Variants in AK3 observed in about 807,000 individuals in gnomAD.
AK3 encodes adenylate kinase 3.
A neutral mutation model predicts 23.7 loss-of-function variants in AK3; 27 were observed. The observed-to-expected ratio is 1.14, with a 90% CI of 0.84 to 1.57. AK3 has a LOEUF of 1.57. Ranked by LOEUF, AK3 falls within the 40% of genes most tolerant of loss-of-function variation. The probability of loss-of-function intolerance (pLI) is 0.00; values close to 1 mark genes in which losing one functional copy is unlikely to be tolerated. For missense variants in AK3, 406 were observed against 285.6 expected, an observed-to-expected ratio of 1.42 and a Z score of -3.04; for synonymous variants, 159 against 116.0, an observed-to-expected ratio of 1.37 and a Z score of -2.38.
chr9:4,741,211 C>G (rs1170685202), upstream of AK3: 2 of 1,127,166 alleles, frequency 1.8e-6, no homozygotes, highest in Non-Finnish European at 2.3e-6. Context: ...CTGCGGTTCC[C>G]CGGCGTTCCC....
chr9:4,731,137 A>G (rs536633898), intron 1 of AK3, among the ~76,000 whole-genome samples: 12 of 152,176 alleles, frequency 7.9e-5, no homozygotes, highest in Non-Finnish European at 1.5e-4. Flanking sequence ...TTCTATTATA[A>G]TTTCAGGGAT....
chr9:4,717,157 G>A (rs6476896), intron 4 of AK3, among the ~76,000 whole-genome samples: 39,275 of 152,010 alleles, frequency 0.26, 5,217 homozygotes, highest in African/African-American at 0.31. Flanking sequence ...AGGTGAAGAT[G>A]GTGAGCTGGG....
chr9:4,724,706 G>C (rs893393252), intron 1 of AK3, among the ~76,000 whole-genome samples: 4 of 151,790 alleles, frequency 2.6e-5, no homozygotes, highest in Non-Finnish European at 4.4e-5. Flanking sequence ...TTGAGCCCAA[G>C]AGGTCAAGGC....
intron 3 of AK3, 58 bp from the exon 4 acceptor site, chr9:4,718,595 T>A (rs917753302): frequency 7.6e-7 from 1 of 1,311,246 alleles, no homozygotes; most frequent in African/African-American, 1.5e-5. Context: ...GATATTTTCA[T>A]AAGCAGTTCA....
chr9:4,719,755 C>G (rs1841842832), intron 2 of AK3, among the ~76,000 whole-genome samples: 1 of 152,126 alleles, frequency 6.6e-6, no homozygotes, highest in Non-Finnish European at 1.5e-5. Context: ...TCAAACTGAA[C>G]TCATGATCTT....
In AK3 at chr9:4,722,574, T is replaced by C. The variant is rs141767297; in HGVS notation, c.203A>G (p.Asp68Gly). 1.9e-6 allele frequency: 3 copies of C among 1,614,062 alleles called. No homozygotes were observed. The highest frequency in any genetic ancestry group is 1.3e-5 in the African/African-American group (1 of 74,924). ...AFIDQGKLIP[D>G]DVMTRLALHE... ...AAGGGCCAGCCGAGTCATGACATCA[T>C]CTGGGATGAGTTTCCCTTGGTCAAT... The change falls in exon 2 of 5, where the codon GAT (aspartate) becomes GGT (glycine). Residue 68 changes from aspartate to glycine, a missense_variant. Transcript: ENST00000381809.
intron 4 of AK3, among the ~76,000 whole-genome samples, chr9:4,714,139 CAT>C (rs1237440342): frequency 2.4e-5 from 3 of 124,586 alleles, no homozygotes; most frequent in Non-Finnish European, 3.5e-5. Context: ...CACACCTACA[CAT>C]ATACACACCT....
intron 1 of AK3, among the ~76,000 whole-genome samples, chr9:4,740,540 G>A (rs1756866): frequency 0.21 from 32,399 of 152,058 alleles, 4,464 homozygotes; most frequent in East Asian, 0.51. Flanking sequence ...AAAACAGAAC[G>A]AGCAGACTCT....
chr9:4,740,352 A>G (rs1010909995), intron 1 of AK3, among the ~76,000 whole-genome samples: 2 of 152,222 alleles, frequency 1.3e-5, no homozygotes, highest in Admixed American at 6.5e-5. Flanking sequence ...AGAACCATGC[A>G]CAAGAATAGC....
chr9:4,736,639 G>C (rs1842300304), intron 1 of AK3, among the ~76,000 whole-genome samples: 1 of 151,586 alleles, frequency 6.6e-6, no homozygotes, highest in Non-Finnish European at 1.5e-5. Flanking sequence ...ATATAGATGA[G>C]AATAAATGAG....
At chr9:4,720,218 GAC>G in intron 2 of AK3, among the ~76,000 whole-genome samples, 1 of 152,144 alleles carries the variant, frequency 6.6e-6, no homozygotes, top group Admixed American at 6.5e-5. Context: ...AAAACAGAGA[GAC>G]AGGCAAATGT....
At chr9:4,727,765 G>C (rs1294185078) in intron 1 of AK3, among the ~76,000 whole-genome samples, 1 of 152,132 alleles carries the variant, frequency 6.6e-6, no homozygotes, top group East Asian at 1.9e-4. Context: ...GCCTGTCTTG[G>C]TTTTCAGCAT....
chr9:4,734,472 T>TAAAGGATCA (rs1313277954), intron 1 of AK3, among the ~76,000 whole-genome samples: 1 of 152,136 alleles, frequency 6.6e-6, no homozygotes, highest in Non-Finnish European at 1.5e-5. Context: ...ATCTGATGCT[T>TAAAGGATCA]AAAGGATCCA....
chr9:4,723,927 T>C (rs1422346964), intron 1 of AK3, among the ~76,000 whole-genome samples: 1 of 151,784 alleles, frequency 6.6e-6, no homozygotes, highest in Non-Finnish European at 1.5e-5. Flanking sequence ...AACATTTTCC[T>C]AACTGTTGGT....
Position 4,718,295 on chromosome 9 carries a change from A to C in AK3, c.563+124T>G. ...TTACACAAGCTAATGTATTTCCTTT[A>C]TTACTTAAGCCCATGTGAACTGGGT... On this transcript the variant is annotated intron_variant, in intron 4 of 4. Transcript: ENST00000381809. 4.2e-6 allele frequency: 3 copies of C among 717,684 alleles called. No individual in the cohort carries two copies. The South Asian group carries it at 5.1e-5, about 12-fold the overall frequency. 44.5% of individuals were successfully genotyped at this position (717,684 alleles called of 1,614,324 possible).
chr9:4,718,796 T>C (rs1388150028), intron 3 of AK3, among the ~76,000 whole-genome samples: 1 of 152,210 alleles, frequency 6.6e-6, no homozygotes, highest in East Asian at 1.9e-4. Flanking sequence ...TAAGTTCATA[T>C]ATATTCAAAA....
chr9:4,739,969 C>T (rs1229135979), intron 1 of AK3, among the ~76,000 whole-genome samples: 8 of 149,676 alleles, frequency 5.3e-5, no homozygotes, highest in Non-Finnish European at 1.2e-4. Context: ...AAGGAAAACT[C>T]TGTTCCCCTC....
chr9:4,735,414 TATAC>T (rs1842262536), intron 1 of AK3, among the ~76,000 whole-genome samples: 1 of 110,032 alleles, frequency 9.1e-6, no homozygotes, highest in Admixed American at 1.0e-4. Flanking sequence ...TATAAATATA[TATAC>T]ATATATAAAT....
intron 4 of AK3, among the ~76,000 whole-genome samples, chr9:4,714,427 G>A (rs768901420): frequency 4.6e-5 from 7 of 152,004 alleles, no homozygotes; most frequent in Non-Finnish European, 1.0e-4. Flanking sequence ...CTGTTTTCTC[G>A]GTAAGAAACA....
Sources: allele counts gnomAD v4.1 joint callset (sites outside exome capture counted in the v4.1 genomes callset), GRCh38; gene constraint gnomAD v4.1.1; transcripts MANE v1.5; gene names NCBI Gene and HGNC (gene_info 2026-07-23, HGNC 2026-07-21).